Variants in SYNE1 observed in about 807,000 individuals in gnomAD.
The protein encoded by SYNE1 is spectrin repeat containing nuclear envelope protein 1.
SYNE1 carries 616 observed loss-of-function variants against 1,111.0 expected under a neutral mutation model. That is an observed-to-expected ratio of 0.55 (90% CI 0.52 to 0.59). The LOEUF is 0.59. SYNE1 is among the 20% of genes least tolerant of loss of function. The pLI, the probability that SYNE1 is intolerant of heterozygous loss-of-function variation, is 0.00. For synonymous variants in SYNE1, 3,855 were observed against 3,825.8 expected (o/e 1.01, Z -0.28); for missense variants, 10,006 against 10,417.0 (o/e 0.96, Z 1.72).
intron 56 of SYNE1, among the ~76,000 whole-genome samples, chr6:152,379,914 A>C (rs1235307541): frequency 6.6e-6 from 1 of 152,248 alleles, no homozygotes; most frequent in Non-Finnish European, 1.5e-5. Context: ...AATAGAAAGA[A>C]AGGGAAAGAA....
intron 100 of SYNE1, among the ~76,000 whole-genome samples, chr6:152,266,994 A>C (rs2092776675): frequency 6.6e-6 from 1 of 152,090 alleles, no homozygotes; most frequent in Non-Finnish European, 1.5e-5. Context: ...TCTACTTTCA[A>C]CTTTATATCA....
Position 152,213,762 on chromosome 6 carries a change from G to C in SYNE1, c.22347-3C>G. 3 of 1,614,032 alleles carry C rather than the reference G, an allele frequency of 1.9e-6. No homozygotes were observed. Among genetic ancestry groups the C allele is most frequent in the Non-Finnish European group, 2.5e-6 (3 of 1,179,966 alleles). On this transcript the variant is annotated splice_region_variant and splice_polypyrimidine_tract_variant and intron_variant, in intron 122 of 145. Coordinates refer to ENST00000367255, the MANE Select transcript of SYNE1 (RefSeq NM_182961.4). ...GTAGCAAAAATGACTGCAACTTGCT[G>C]AAAGAACAAAGGGCAAGGAACAATG... is the stretch of plus-strand genomic sequence containing the variant.
At chr6:152,401,001 T>C (rs867352769) in intron 47 of SYNE1, 137 bp downstream of exon 47, 8 of 796,692 alleles carry the variant, frequency 1.0e-5, no homozygotes, top group Middle Eastern at 7.0e-4. Flanking sequence ...TTTGCTGTGT[T>C]CAATGTCATA....
At chr6:152,448,788 G>A (rs1029446797) in intron 28 of SYNE1, among the ~76,000 whole-genome samples, 1 of 152,134 alleles carries the variant, frequency 6.6e-6, no homozygotes, top group Non-Finnish European at 1.5e-5. Flanking sequence ...GCTGAAGTGA[G>A]CTATGAAGGT....
At chr6:152,200,720 C>T (rs778209512) in intron 127 of SYNE1, among the ~76,000 whole-genome samples, 1 of 152,140 alleles carries the variant, frequency 6.6e-6, no homozygotes, top group Non-Finnish European at 1.5e-5. Context: ...AATTTATCAT[C>T]ACAGGTTCAA....
rs966300389 is a variant in SYNE1, at chr6:152,379,494, T to C, written c.9009+1512A>G. 4.6e-5 allele frequency among the ~76,000 whole-genome samples: 7 copies of C among 152,176 alleles called. No homozygotes were observed. In the South Asian group the frequency reaches 1.2e-3, roughly 27 times the overall value. On this transcript the variant is annotated intron_variant, in intron 56 of 145. Transcript: ENST00000367255. Reference sequence around the variant, plus strand: ...TAATTCTTATTGTGATCATCAACAATGACAAGTCCTCCCTAAAAGCAAAAC... The same window carrying C: ...TAATTCTTATTGTGATCATCAACAACGACAAGTCCTCCCTAAAAGCAAAAC...
rs139945497 is a variant in SYNE1, at chr6:152,143,624, T to C, written c.25118A>G (p.Tyr8373Cys). ...AATCAGGATGGCCAGGATACTTACG[T>C]AGCCTTTGTAGCTGGTGTCTAGCTC... ...GPELDTSYKG[Y>C]MKLLGECSSS... Residue 8373 changes from tyrosine (Y) to cysteine (C), a missense_variant and splice_region_variant, in exon 138 of 146, where the codon TAC becomes TGC. By Grantham distance (194) the Tyr-to-Cys change is radical. Around this residue, in one of 7 missense-constraint regions of SYNE1, gnomAD observed 761 missense variants for 795.5 expected, o/e 0.96. Coordinates refer to ENST00000367255, the MANE Select transcript of SYNE1 (RefSeq NM_182961.4). The C allele has an allele frequency of 6.2e-7, 1 of 1,614,192 alleles. No homozygotes were observed. Among genetic ancestry groups the C allele is most frequent in the East Asian group, 2.2e-5 (1 of 44,884 alleles).
At chr6:152,402,132 C>T (rs908672934) in intron 46 of SYNE1, among the ~76,000 whole-genome samples, 32 of 152,092 alleles carry the variant, frequency 2.1e-4, no homozygotes, top group African/African-American at 7.0e-4. Context: ...TGGCAGGAGG[C>T]GGGTGAGGCA....
At chr6:152,523,450 AC>A (rs1287632759) in intron 5 of SYNE1, among the ~76,000 whole-genome samples, 2 of 152,104 alleles carry the variant, frequency 1.3e-5, no homozygotes, top group Non-Finnish European at 2.9e-5. Flanking sequence ...TGTGTTGGTA[AC>A]TATAGCCTTG....
At chr6:152,350,123 C>G (rs944622845) in intron 72 of SYNE1, 45 bp downstream of exon 72, 6 of 1,611,544 alleles carry the variant, frequency 3.7e-6, no homozygotes, top group Non-Finnish European at 5.1e-6. Flanking sequence ...CGTACACACA[C>G]TGGTGAAGCC....
intron 121 of SYNE1, 89 bp from the exon 122 acceptor site, chr6:152,215,149 A>T: frequency 6.8e-7 from 1 of 1,472,892 alleles, no homozygotes; most frequent in Non-Finnish European, 9.4e-7. Flanking sequence ...TGATTTCAGG[A>T]AGTAGCTGGT....
At chr6:152,449,663 C>G in intron 27 of SYNE1, 22 bp from the exon 28 acceptor site, 1 of 1,538,718 alleles carries the variant, frequency 6.5e-7, no homozygotes, top group Middle Eastern at 1.7e-4. Flanking sequence ...TAAGCACTTT[C>G]TTATTAAAGG....
rs200421014 is a variant in SYNE1, at chr6:152,219,204, T to A, written c.21862-19A>T. ...GGAGGTCCTAGAAGAGGTGAAAATA[T>A]GCCCACTCTGAAGCATGTTGATACT... On this transcript the variant is annotated intron_variant, in intron 119 of 145. Transcript: ENST00000367255. 40 of 1,612,022 alleles carry A rather than the reference T, an allele frequency of 2.5e-5. No individual in the cohort carries two copies. Among genetic ancestry groups the A allele is most frequent in the Admixed American group, 5.0e-5 (3 of 60,000 alleles).
At chr6:152,338,364 G>A (rs2096453759) in intron 75 of SYNE1, among the ~76,000 whole-genome samples, 1 of 152,146 alleles carries the variant, frequency 6.6e-6, no homozygotes, top group Admixed American at 6.5e-5. Context: ...GCTCATGCCT[G>A]TAATCCCAGC....
intron 130 of SYNE1, among the ~76,000 whole-genome samples, chr6:152,173,994 T>C (rs114081074): frequency 6.6e-6 from 1 of 152,322 alleles, no homozygotes; most frequent in African/African-American, 2.4e-5. Flanking sequence ...AGCAAACTCA[T>C]TTGCTGTAAT....
intron 130 of SYNE1, among the ~76,000 whole-genome samples, chr6:152,169,367 C>A (rs556617437): frequency 4.6e-5 from 7 of 151,784 alleles, no homozygotes; most frequent in African/African-American, 1.4e-4. Flanking sequence ...TCAAGACCAT[C>A]CTGGCTAACA....
chr6:152,130,196 A>C (rs2152680430), intron 145 of SYNE1, among the ~76,000 whole-genome samples: 1 of 152,292 alleles, frequency 6.6e-6, no homozygotes, highest in Middle Eastern at 3.4e-3. Flanking sequence ...GAGAGAAGGT[A>C]CTTATAAATT....
rs536518343 is a variant in SYNE1 at position 152,254,708 on chromosome 6, A to G, written c.19470+172T>C. On this transcript the variant is annotated intron_variant, in intron 104 of 145. Transcript: ENST00000367255. ...CTCAACCTTCCATTTCTAGGAGCAA[A>G]AAATCTTTAGCTTCTAATCCTTTAA... Among the ~76,000 whole-genome samples the G allele has an allele frequency of 2.0e-4, 31 of 152,226 alleles. No individual in the cohort carries two copies. The South Asian group carries it at 4.6e-3, about 22-fold the overall frequency.
chr6:152,437,997 G>C (rs1220897946), intron 32 of SYNE1, among the ~76,000 whole-genome samples: 3 of 152,182 alleles, frequency 2.0e-5, no homozygotes, highest in African/African-American at 7.2e-5. Flanking sequence ...CTAGGTGACA[G>C]AGTGAGACTC....
Sources: allele counts gnomAD v4.1 joint callset (sites outside exome capture counted in the v4.1 genomes callset), GRCh38; gene constraint gnomAD v4.1.1; regional missense constraint gnomAD v4.1.1; transcripts MANE v1.5; gene names NCBI Gene and HGNC (gene_info 2026-07-23, HGNC 2026-07-21).